The following ARHGAP6 variants were observed in gnomAD, a reference collection of about 807,000 sequenced individuals.
ARHGAP6 encodes the protein Rho GTPase activating protein 6, also known as rho GTPase-activating protein 6.
A neutral mutation model predicts 55.7 loss-of-function variants in ARHGAP6; 16 were observed. The observed-to-expected ratio is 0.29, with a 90% CI of 0.19 to 0.44. ARHGAP6 has a LOEUF of 0.44. Ranked by LOEUF, ARHGAP6 falls within the 20% of genes least tolerant of loss-of-function variation. The probability of loss-of-function intolerance (pLI) is 1.00; values close to 1 mark genes in which losing one functional copy is unlikely to be tolerated. For synonymous variants in ARHGAP6, 382 were observed against 360.9 expected, an observed-to-expected ratio of 1.06 and a Z score of -0.66; for missense variants, 698 against 808.9, an observed-to-expected ratio of 0.86 and a Z score of 1.66.
At chrX:11,161,353 A>G (rs1033527473) in intron 9 of ARHGAP6, among the ~76,000 whole-genome samples, 2 of 112,218 alleles carry the variant, frequency 1.8e-5, no homozygotes, top group African/African-American at 6.5e-5. Flanking sequence ...AGCTTGAAAT[A>G]AGTAAGAAAG....
intron 1 of ARHGAP6, among the ~76,000 whole-genome samples, chrX:11,414,946 T>A (rs1230242909): frequency 9.0e-6 from 1 of 111,374 alleles, no homozygotes; most frequent in East Asian, 2.8e-4. Context: ...AAGTTCATAT[T>A]CCTTGTTCAA....
At chrX:11,216,298 C>T (rs2046881857) in intron 2 of ARHGAP6, among the ~76,000 whole-genome samples, 1 of 111,117 alleles carries the variant, frequency 9.0e-6, no homozygotes, top group Non-Finnish European at 1.9e-5. Context: ...GAAATCGATG[C>T]GGAAGACAAG....
intron 1 of ARHGAP6, among the ~76,000 whole-genome samples, chrX:11,511,543 C>T (rs2050784581): frequency 8.9e-6 from 1 of 112,292 alleles, no homozygotes; most frequent in Non-Finnish European, 1.9e-5. Flanking sequence ...TGATTAAAGA[C>T]ATATCTCTGA....
At chrX:11,197,628 C>G in intron 2 of ARHGAP6, among the ~76,000 whole-genome samples, 1 of 112,252 alleles carries the variant, frequency 8.9e-6, no homozygotes. Flanking sequence ...CATGGTATAG[C>G]TATACTGCAA....
At position 11,577,276 on chromosome X, in the gene ARHGAP6, G is replaced by A. The variant is rs1185744143; in HGVS notation, c.588+86965C>T. Among the ~76,000 whole-genome samples the A allele has an allele frequency of 4.5e-5, 5 of 112,170 alleles. No individual in the cohort carries two copies. The South Asian group carries it at 1.5e-3, about 33-fold the overall frequency. ...AGTTGGTAGGGGAGTGAGAGGCAAT[G>A]AGATAGGAAAGAGAAAGAAGTCAAT... On this transcript the variant is annotated intron_variant, in intron 1 of 12. Transcript: ENST00000337414.
intron 1 of ARHGAP6, among the ~76,000 whole-genome samples, chrX:11,326,031 C>T (rs1298642126): frequency 2.7e-5 from 3 of 112,065 alleles, no homozygotes; most frequent in African/African-American, 9.7e-5. Context: ...TGCAACAAGG[C>T]AAGAAGCACG....
intron 1 of ARHGAP6, among the ~76,000 whole-genome samples, chrX:11,421,496 G>T (rs377484231): frequency 1.8e-5 from 2 of 111,827 alleles, no homozygotes; most frequent in East Asian, 5.6e-4. Context: ...CTAGAATATG[G>T]ATACCGAGGG....
At chrX:11,610,984 G>C (rs1345925363) in intron 1 of ARHGAP6, among the ~76,000 whole-genome samples, 1 of 112,446 alleles carries the variant, frequency 8.9e-6, no homozygotes, top group Non-Finnish European at 1.9e-5. Context: ...GTTCATCTAT[G>C]TTGTAGCATA....
intron 1 of ARHGAP6, among the ~76,000 whole-genome samples, chrX:11,300,404 G>A (rs2048155912): frequency 9.0e-6 from 1 of 111,594 alleles, no homozygotes; most frequent in Non-Finnish European, 1.9e-5. Context: ...TAGGCTTTAA[G>A]TGTCCTGAAG....
chrX:11,530,745 C>T (rs993575092), intron 1 of ARHGAP6, among the ~76,000 whole-genome samples: 3 of 111,179 alleles, frequency 2.7e-5, no homozygotes, highest in South Asian at 3.8e-4. Flanking sequence ...GGCAAGAAAA[C>T]GAAATTCAAA....
intron 1 of ARHGAP6, among the ~76,000 whole-genome samples, chrX:11,573,872 T>C (rs1601659610): frequency 9.0e-6 from 1 of 111,479 alleles, no homozygotes; most frequent in Admixed American, 9.6e-5. Flanking sequence ...AGAGCAGTGG[T>C]TTGTGGTTCT....
At chrX:11,316,766 T>C (rs1024965801) in intron 1 of ARHGAP6, among the ~76,000 whole-genome samples, 3 of 112,233 alleles carry the variant, frequency 2.7e-5, no homozygotes, top group African/African-American at 9.7e-5. Flanking sequence ...ATCTATGAGT[T>C]CAACTTTTTT....
chrX:11,195,959 C>CAAAAAAA (rs1024986729), intron 3 of ARHGAP6, among the ~76,000 whole-genome samples: 2 of 8,412 alleles, frequency 2.4e-4, no homozygotes, highest in Non-Finnish European at 5.0e-4. Flanking sequence ...ACTAAAAATA[C>CAAAAAAA]AAAAAAAAAA....
chrX:11,287,747 T>C (rs999088647), intron 1 of ARHGAP6, among the ~76,000 whole-genome samples: 4 of 112,445 alleles, frequency 3.6e-5, no homozygotes, highest in African/African-American at 1.3e-4. Flanking sequence ...TGTGAGGAAA[T>C]AGCCTCTATG....
At chrX:11,272,881 C>A (rs2047708759) in intron 1 of ARHGAP6, among the ~76,000 whole-genome samples, 1 of 111,820 alleles carries the variant, frequency 8.9e-6, no homozygotes, top group Non-Finnish European at 1.9e-5. Flanking sequence ...TGTTATAGCA[C>A]AGTGGTTACA....
At chrX:11,614,571 C>T (rs1193362525) in intron 1 of ARHGAP6, among the ~76,000 whole-genome samples, 1 of 111,791 alleles carries the variant, frequency 8.9e-6, no homozygotes, top group Non-Finnish European at 1.9e-5. Flanking sequence ...TTCCACCAGG[C>T]CCCTCCTCTA....
At chrX:11,179,765 C>CAT (rs10576783) in intron 6 of ARHGAP6, among the ~76,000 whole-genome samples, 5,289 of 97,391 alleles carry the variant, frequency 0.054, 281 homozygotes, top group African/African-American at 0.15. Context: ...TATATGTATA[C>CAT]ATATATATAT....
intron 2 of ARHGAP6, among the ~76,000 whole-genome samples, chrX:11,211,058 T>C (rs775316321): frequency 8.9e-6 from 1 of 111,775 alleles, no homozygotes; most frequent in Non-Finnish European, 1.9e-5. Flanking sequence ...TGAATGGAAG[T>C]CATTTATTAT....
At chrX:11,656,262 G>C (rs1021890546) in intron 1 of ARHGAP6, among the ~76,000 whole-genome samples, 1 of 112,005 alleles carries the variant, frequency 8.9e-6, no homozygotes, top group Non-Finnish European at 1.9e-5. Context: ...TTAAATACAC[G>C]CCATTCCTTC....
Sources: gnomAD v4.1 joint callset for allele counts (sites outside exome capture counted in the v4.1 genomes callset) on GRCh38, gnomAD v4.1.1 for gene constraint, MANE v1.5 for transcripts, NCBI Gene and HGNC (gene_info 2026-07-23, HGNC 2026-07-21) for gene names.